GPR39: variants seen among roughly 807,000 people sequenced by gnomAD.
The protein encoded by GPR39 is zinc sensing receptor.
Under a neutral mutation model 18.4 loss-of-function variants are expected in GPR39, and 23 were observed. That is an observed-to-expected ratio of 1.25 (90% confidence interval 0.90 to 1.77). The LOEUF (loss-of-function observed/expected upper bound fraction) is 1.77, where lower values mean the gene tolerates loss of function less well. Ranked by LOEUF, GPR39 falls within the 40% of genes most tolerant of loss-of-function variation. The probability of loss-of-function intolerance (pLI) is 0.00; values close to 1 mark genes in which losing one functional copy is unlikely to be tolerated. For missense variants in GPR39, 647 were observed against 602.4 expected (o/e 1.07, Z -0.78); for synonymous variants, 280 against 257.9 (o/e 1.09, Z -0.82).
At chr2:132,633,331 A>G (rs1681685029) in intron 1 of GPR39, among the ~76,000 whole-genome samples, 1 of 135,132 alleles carries the variant, frequency 7.4e-6, no homozygotes, top group African/African-American at 2.9e-5. Context: ...TTAAACTCCA[A>G]ATACCTCTGT....
chr2:132,589,598 T>C (rs1194135844), intron 1 of GPR39, among the ~76,000 whole-genome samples: 1 of 152,232 alleles, frequency 6.6e-6, no homozygotes, highest in Non-Finnish European at 1.5e-5. Flanking sequence ...GGGCTGTGTG[T>C]GCAGAAGTGG....
chr2:132,457,536 G>A (rs1183228670), intron 1 of GPR39, among the ~76,000 whole-genome samples: 2 of 152,172 alleles, frequency 1.3e-5, no homozygotes, highest in African/African-American at 4.8e-5. Context: ...TCCATATGTG[G>A]TGTCAGTCAG....
chr2:132,485,156 G>C (rs1252939005), intron 1 of GPR39, among the ~76,000 whole-genome samples: 1 of 152,214 alleles, frequency 6.6e-6, no homozygotes, highest in Non-Finnish European at 1.5e-5. Context: ...TGGTTTCCCA[G>C]TGCATATAAA....
intron 1 of GPR39, among the ~76,000 whole-genome samples, chr2:132,613,549 G>C (rs1299388286): frequency 6.6e-6 from 1 of 152,234 alleles, no homozygotes; most frequent in Admixed American, 6.5e-5. Flanking sequence ...TCAAATGCTT[G>C]TTTGCAACTT....
chr2:132,589,847 T>C (rs1199910193), intron 1 of GPR39, among the ~76,000 whole-genome samples: 4 of 152,194 alleles, frequency 2.6e-5, no homozygotes, highest in Admixed American at 1.3e-4. Context: ...GCTGGTTCTA[T>C]CTCAGTGATG....
chr2:132,604,056 C>G (rs1268289042), intron 1 of GPR39, among the ~76,000 whole-genome samples: 4 of 152,142 alleles, frequency 2.6e-5, no homozygotes, highest in East Asian at 1.9e-4. Context: ...ACTCCTACCT[C>G]CAAGATCCTT....
At chr2:132,577,788 G>A (rs148067467) in intron 1 of GPR39, among the ~76,000 whole-genome samples, 2,118 of 151,922 alleles carry the variant, frequency 0.014, 34 homozygotes, top group South Asian at 0.044. Flanking sequence ...AGATTCCTTG[G>A]GATTTTCTAC....
intron 1 of GPR39, among the ~76,000 whole-genome samples, chr2:132,469,968 C>A (rs952011375): frequency 6.6e-6 from 1 of 152,252 alleles, no homozygotes; most frequent in South Asian, 2.1e-4. Context: ...CTGTGAAGTT[C>A]AGAGAATGCA....
At chr2:132,510,281 T>C (rs955224737) in intron 1 of GPR39, among the ~76,000 whole-genome samples, 1 of 152,138 alleles carries the variant, frequency 6.6e-6, no homozygotes, top group African/African-American at 2.4e-5. Flanking sequence ...GTGAGCTTAT[T>C]GTTTGCAGGC....
At chr2:132,485,346 G>A (rs922994503) in intron 1 of GPR39, among the ~76,000 whole-genome samples, 1 of 152,142 alleles carries the variant, frequency 6.6e-6, no homozygotes, top group Admixed American at 6.5e-5. Context: ...CAGGATAGTG[G>A]TTGCTGACAG....
At position 132,634,143 on chromosome 2, in the gene GPR39, A is replaced by G. The variant is rs115280670; in HGVS notation, c.857-10958A>G. Among the ~76,000 whole-genome samples, 478 of 151,654 alleles carry G rather than the reference A, an allele frequency of 3.2e-3. 2 individuals are homozygous for G. Among genetic ancestry groups the G allele is most frequent in the Non-Finnish European group, 4.3e-3 (294 of 67,864 alleles). Reference sequence around the variant, plus strand: ...CCATAGTAGGAGCAGTGGTATGGTGATAGAGGTGGAGGTAAGAAAGATGGT... The same window carrying G: ...CCATAGTAGGAGCAGTGGTATGGTGGTAGAGGTGGAGGTAAGAAAGATGGT... On this transcript the variant is annotated intron_variant, in intron 1 of 1. Transcript: ENST00000329321.
chr2:132,430,216 A>G (rs1453719809), intron 1 of GPR39, among the ~76,000 whole-genome samples: 1 of 152,172 alleles, frequency 6.6e-6, no homozygotes, highest in Non-Finnish European at 1.5e-5. Context: ...CATTACAATC[A>G]CCTGTGGAAC....
At chr2:132,621,589 A>G (rs1307798100) in intron 1 of GPR39, among the ~76,000 whole-genome samples, 1 of 152,174 alleles carries the variant, frequency 6.6e-6, no homozygotes, top group Non-Finnish European at 1.5e-5. Context: ...CAAATGGCCC[A>G]TGTAGTCTAA....
chr2:132,510,339 C>T (rs1006684822), intron 1 of GPR39, among the ~76,000 whole-genome samples: 5 of 152,128 alleles, frequency 3.3e-5, no homozygotes, highest in African/African-American at 1.2e-4. Context: ...GAGCCAGTCT[C>T]CCCAGGCTCG....
At chr2:132,630,084 CT>C (rs1367675451) in intron 1 of GPR39, among the ~76,000 whole-genome samples, 2 of 152,182 alleles carry the variant, frequency 1.3e-5, no homozygotes, top group African/African-American at 4.8e-5. Context: ...GAACCAGACA[CT>C]ATGCCAAGCA....
Position 132,417,893 on chromosome 2 carries a change from T to C in GPR39, c.851T>C (p.Phe284Ser). 1 of 1,583,330 alleles carries C rather than the reference T, an allele frequency of 6.3e-7. No individual in the cohort carries two copies. The highest frequency in any genetic ancestry group is 2.2e-5 in the East Asian group (1 of 44,480). ...SRTARRQTIIFLRLIVVTLAV... is the reference protein window; with the variant it reads ...SRTARRQTIISLRLIVVTLAV... ...ACCGCCAGGAGGCAGACCATCATCT[T>C]CCTGAGTGAGTCCTAAGTCGGGGGC... The change falls in exon 1 of 2, where the codon TTC (phenylalanine) becomes TCC (serine). Residue 284 changes from phenylalanine to serine, a missense_variant. Phe to Ser is a radical substitution (Grantham distance 155, BLOSUM62 -2). Transcript: ENST00000329321.
chr2:132,598,979 C>G (rs1315911237), intron 1 of GPR39, among the ~76,000 whole-genome samples: 1 of 152,004 alleles, frequency 6.6e-6, no homozygotes, highest in Non-Finnish European at 1.5e-5. Context: ...ACAGCAGCAA[C>G]AACAACAAAA....
chr2:132,610,976 T>G (rs1483073240), intron 1 of GPR39, among the ~76,000 whole-genome samples: 2 of 152,072 alleles, frequency 1.3e-5, no homozygotes, highest in African/African-American at 4.8e-5. Context: ...CACTTCCACC[T>G]TCATTTCATT....
chr2:132,495,407 G>A (rs1003413183), intron 1 of GPR39, among the ~76,000 whole-genome samples: 6 of 152,124 alleles, frequency 3.9e-5, no homozygotes, highest in Non-Finnish European at 7.4e-5. Flanking sequence ...GTAGATTTCA[G>A]TTTGGAAGCC....
Sources: allele counts gnomAD v4.1 joint callset (sites outside exome capture counted in the v4.1 genomes callset), GRCh38; gene constraint gnomAD v4.1.1; transcripts MANE v1.5; gene names NCBI Gene and HGNC (gene_info 2026-07-23, HGNC 2026-07-21).